Variants in ANO4 observed in about 807,000 individuals in gnomAD.
ANO4 encodes anoctamin 4.
A neutral mutation model predicts 141.9 loss-of-function variants in ANO4; 69 were observed. That is an observed-to-expected ratio of 0.49 (90% CI 0.40 to 0.59). The LOEUF is 0.59. Among genes scored for constraint, ANO4 ranks in the 20% least tolerant of loss-of-function variants. The probability of loss-of-function intolerance (pLI) is 0.00; values close to 1 mark genes in which losing one functional copy is unlikely to be tolerated. For missense variants in ANO4, 894 were observed against 1,162.2 expected (o/e 0.77, Z 3.36); for synonymous variants, 350 against 394.3 (o/e 0.89, Z 1.33).
intron 3 of ANO4, among the ~76,000 whole-genome samples, chr12:100,762,498 A>G (rs905575618): frequency 2.0e-5 from 3 of 152,286 alleles, no homozygotes; most frequent in Non-Finnish European, 4.4e-5. Flanking sequence ...TTGAAAAGCA[A>G]GGCTCCCCTG....
At chr12:101,063,745 C>CTGTTTTTTTT (rs2048447523) in intron 14 of ANO4, among the ~76,000 whole-genome samples, 2 of 24,774 alleles carry the variant, frequency 8.1e-5, no homozygotes, top group Non-Finnish European at 1.3e-4. Context: ...TCCAGGTTAT[C>CTGTTTTTTTT]TTTTTTTTTT....
At chr12:100,728,601 A>AT (rs2031240757) in intron 1 of ANO4, among the ~76,000 whole-genome samples, 1 of 152,320 alleles carries the variant, frequency 6.6e-6, no homozygotes, top group East Asian at 1.9e-4. Flanking sequence ...CCTCATCTGC[A>AT]TAATAGAGTT....
chr12:101,104,928 T>A (rs2050382097), intron 22 of ANO4, among the ~76,000 whole-genome samples: 1 of 152,076 alleles, frequency 6.6e-6, no homozygotes, highest in African/African-American at 2.4e-5. Flanking sequence ...TTTTGCTTTA[T>A]GTATTTTGAA....
Position 100,987,534 on chromosome 12 carries a change from CA to C in ANO4, c.603-4del. 1 of 1,613,106 alleles carries C rather than the reference CA, an allele frequency of 6.2e-7. No individual in the cohort carries two copies. Among genetic ancestry groups the C allele is most frequent in the Non-Finnish European group, 8.5e-7 (1 of 1,179,434 alleles). ...CCCTTTGGTCTTGCCTTCCATGTAC[CA>C]CAGGATCGATAAACAAATAAGCAGG... On this transcript the variant is annotated splice_polypyrimidine_tract_variant and splice_region_variant and intron_variant, in intron 7 of 27. Coordinates refer to ENST00000392977, the MANE Select transcript of ANO4 (RefSeq NM_001286615.2).
At chr12:100,784,222 A>T (rs2033794768) in intron 3 of ANO4, among the ~76,000 whole-genome samples, 1 of 152,144 alleles carries the variant, frequency 6.6e-6, no homozygotes, top group Non-Finnish European at 1.5e-5. Flanking sequence ...GTTAGTAGGA[A>T]TGCCCTTCCT....
At chr12:100,968,548 G>A (rs541482922) in intron 5 of ANO4, among the ~76,000 whole-genome samples, 105 of 152,066 alleles carry the variant, frequency 6.9e-4, no homozygotes, top group Non-Finnish European at 1.3e-3. Flanking sequence ...AACCTTATAG[G>A]AAAGCTAAGT....
intron 9 of ANO4, among the ~76,000 whole-genome samples, chr12:101,026,956 G>A (rs1474267734): frequency 6.6e-6 from 1 of 152,200 alleles, no homozygotes. Flanking sequence ...CAAGATGGCT[G>A]ACTAGAAACA....
intron 3 of ANO4, among the ~76,000 whole-genome samples, chr12:100,925,992 A>C (rs1328797033): frequency 6.6e-6 from 1 of 151,878 alleles, no homozygotes; most frequent in Admixed American, 6.6e-5. Context: ...ATCTCTTTTC[A>C]ATCTTAACCC....
intron 1 of ANO4, among the ~76,000 whole-genome samples, chr12:100,880,837 TTGAAGA>T (rs2039530563): frequency 6.6e-6 from 1 of 152,164 alleles, no homozygotes; most frequent in South Asian, 2.1e-4. Context: ...TGTCTGATCT[TTGAAGA>T]TATCTATGCA....
chr12:100,982,665 G>A (rs2044526559), intron 7 of ANO4, among the ~76,000 whole-genome samples: 1 of 152,160 alleles, frequency 6.6e-6, no homozygotes, highest in East Asian at 1.9e-4. Context: ...CCATTGCCTT[G>A]TTCTATGGAT....
chr12:100,880,232 A>G (rs1323978377), intron 1 of ANO4, among the ~76,000 whole-genome samples: 1 of 152,196 alleles, frequency 6.6e-6, no homozygotes, highest in Non-Finnish European at 1.5e-5. Flanking sequence ...ACTGACTGGT[A>G]TCTGAGCTTC....
intron 3 of ANO4, among the ~76,000 whole-genome samples, chr12:100,784,733 G>A (rs918516960): frequency 2.6e-5 from 4 of 152,156 alleles, no homozygotes; most frequent in Non-Finnish European, 4.4e-5. Context: ...TGGAATTCAC[G>A]ATATGTTCCC....
intron 5 of ANO4, among the ~76,000 whole-genome samples, chr12:100,970,397 CT>C (rs1237788847): frequency 6.6e-6 from 1 of 152,084 alleles, no homozygotes; most frequent in Non-Finnish European, 1.5e-5. Flanking sequence ...CTTTGCTCTT[CT>C]TTCTCTCCCT....
chr12:100,805,025 C>T (rs1466262638), intron 1 of ANO4, among the ~76,000 whole-genome samples: 1 of 152,142 alleles, frequency 6.6e-6, no homozygotes, highest in African/African-American at 2.4e-5. Flanking sequence ...AGTCTTTGCC[C>T]ATGCCTGTGT....
chr12:101,050,770 G>A (rs2047831763), intron 14 of ANO4, among the ~76,000 whole-genome samples: 1 of 152,124 alleles, frequency 6.6e-6, no homozygotes, highest in Non-Finnish European at 1.5e-5. Flanking sequence ...GTACATGGAG[G>A]AGCCTCCTCA....
chr12:101,108,532 A>T (rs1049631211), intron 22 of ANO4, among the ~76,000 whole-genome samples: 10 of 152,210 alleles, frequency 6.6e-5, no homozygotes, highest in Non-Finnish European at 1.0e-4. Context: ...GAGTTAGTGT[A>T]TATGAAGTAA....
chr12:101,054,561 A>G (rs886845853), intron 14 of ANO4, among the ~76,000 whole-genome samples: 3 of 152,208 alleles, frequency 2.0e-5, no homozygotes, highest in East Asian at 1.9e-4. Context: ...GTGCAGTGGC[A>G]CAATCTCGGC....
rs935519282 is a variant in ANO4, at chr12:100,954,603, T to G, written c.456+12068T>G. 5.3e-5 allele frequency among the ~76,000 whole-genome samples: 8 copies of G among 152,210 alleles called. No homozygotes were observed. In the South Asian group the frequency reaches 1.7e-3, roughly 32 times the overall value. ...GGTGCTAAGGTGACAACAAACAATA[T>G]AGTGCAGCCACCAGCCCTCCTAACA... On this transcript the variant is annotated intron_variant, in intron 5 of 27. Transcript: ENST00000392977.
chr12:101,111,109 T>C (rs1230450666), intron 23 of ANO4, among the ~76,000 whole-genome samples: 1 of 152,244 alleles, frequency 6.6e-6, no homozygotes, highest in Non-Finnish European at 1.5e-5. Context: ...GAGAATTGCA[T>C]GTGGATGTTA....
Sources: allele counts gnomAD v4.1 joint callset (sites outside exome capture counted in the v4.1 genomes callset), GRCh38; gene constraint gnomAD v4.1.1; transcripts MANE v1.5; gene names NCBI Gene and HGNC (gene_info 2026-07-23, HGNC 2026-07-21).